DPH6: variants seen among roughly 807,000 people sequenced by gnomAD.
DPH6 encodes the protein diphthamine biosynthesis 6, also known as diphthine--ammonia ligase.
Under a neutral mutation model 38.2 loss-of-function variants are expected in DPH6, and 33 were observed. The observed-to-expected ratio is 0.86, with a 90% CI of 0.65 to 1.15. The LOEUF (loss-of-function observed/expected upper bound fraction) is 1.15, where lower values mean the gene tolerates loss of function less well. DPH6 is among the 50% of genes most tolerant of loss of function. The probability of loss-of-function intolerance (pLI) is 0.00; values close to 1 mark genes in which losing one functional copy is unlikely to be tolerated. For synonymous variants in DPH6, 108 were observed against 103.0 expected (o/e 1.05, Z -0.30); for missense variants, 325 against 320.0 (o/e 1.02, Z -0.12).
At chr15:35,478,366 TACACACACAC>T (rs66521447) in intron 3 of DPH6, among the ~76,000 whole-genome samples, 49 of 142,148 alleles carry the variant, frequency 3.4e-4, no homozygotes, top group Admixed American at 1.2e-3. Context: ...TACCCACACA[TACACACACAC>T]ACACACACAC....
intron 3 of DPH6, among the ~76,000 whole-genome samples, chr15:35,255,069 G>A (rs1331714087): frequency 6.6e-6 from 1 of 152,196 alleles, no homozygotes; most frequent in Admixed American, 6.5e-5. Flanking sequence ...GCAAGCCACA[G>A]GGGATGCGAT....
intron 3 of DPH6, chr15:35,298,823 G>A (rs144279008): frequency 9.3e-7 from 1 of 1,077,120 alleles, no homozygotes; most frequent in Admixed American, 1.7e-5. Context: ...TACACTGGGG[G>A]AGGAATGGCA....
intron 3 of DPH6, among the ~76,000 whole-genome samples, chr15:35,294,211 C>G (rs2051999491): frequency 6.6e-6 from 1 of 152,166 alleles, no homozygotes; most frequent in Non-Finnish European, 1.5e-5. Flanking sequence ...AAATGCCCCT[C>G]TTGTTTCCTG....
At chr15:35,513,170 A>G (rs1448294961) in intron 3 of DPH6, among the ~76,000 whole-genome samples, 1 of 152,158 alleles carries the variant, frequency 6.6e-6, no homozygotes, top group Non-Finnish European at 1.5e-5. Flanking sequence ...ATGTGCATGT[A>G]TAAAAATACA....
chr15:35,388,715 A>G (rs2053008104), intron 6 of DPH6, among the ~76,000 whole-genome samples: 1 of 151,954 alleles, frequency 6.6e-6, no homozygotes, highest in African/African-American at 2.4e-5. Context: ...TATTGCATCT[A>G]TTTGATTCTT....
rs2051566231 is a variant in DPH6, at chr15:35,237,840, A to T, written n.201-17258T>A. On this transcript the variant is annotated intron_variant and non_coding_transcript_variant, in intron 3 of 3. Transcript: ENST00000560386. The stretch of plus-strand genomic sequence containing the variant: ...GTGGAGGGCCTGGAGGAGGAGGAGG[A>T]GGATGAGGATGAGGAGGAGTATGAC... 3.3e-6 allele frequency: 5 copies of T among 1,532,766 alleles called. No homozygotes were observed. The Admixed American group carries it at 8.4e-5, about 26-fold the overall frequency. 94.9% of individuals were successfully genotyped at this position (1,532,766 alleles called of 1,614,324 possible). A position where few individuals can be genotyped will look rare whatever the true frequency, so the allele number is the denominator to read the frequency against.
intron 3 of DPH6, among the ~76,000 whole-genome samples, chr15:35,312,936 T>G (rs992203742): frequency 1.3e-5 from 2 of 152,166 alleles, no homozygotes; most frequent in African/African-American, 4.8e-5. Flanking sequence ...CGTAGTAAAT[T>G]TTGAAGTCAG....
intron 3 of DPH6, among the ~76,000 whole-genome samples, chr15:35,482,249 A>G (rs1036861924): frequency 3.3e-5 from 5 of 152,348 alleles, no homozygotes; most frequent in Admixed American, 6.5e-5. Flanking sequence ...GTGAAGCGAT[A>G]TATGTTCAGA....
chr15:35,237,238 C>A, intron 3 of DPH6: 2 of 1,154,816 alleles, frequency 1.7e-6, no homozygotes, highest in South Asian at 1.2e-5. Flanking sequence ...CTGAGCGGAG[C>A]TGGTTGAGCC....
intron 6 of DPH6, among the ~76,000 whole-genome samples, chr15:35,382,518 T>C (rs1190435761): frequency 6.6e-6 from 1 of 152,110 alleles, no homozygotes; most frequent in Non-Finnish European, 1.5e-5. Context: ...TAGCCTCAGA[T>C]TCAAAGCTAG....
intron 6 of DPH6, among the ~76,000 whole-genome samples, chr15:35,383,943 A>T (rs1476110574): frequency 2.0e-5 from 3 of 152,238 alleles, no homozygotes; most frequent in Non-Finnish European, 4.4e-5. Flanking sequence ...TGTAGCACAA[A>T]AGCATGACGT....
At chr15:35,504,336 A>C (rs2054666690) in intron 3 of DPH6, among the ~76,000 whole-genome samples, 1 of 151,982 alleles carries the variant, frequency 6.6e-6, no homozygotes, top group Non-Finnish European at 1.5e-5. Flanking sequence ...TTGTCCCATC[A>C]ATATATTCCA....
chr15:35,230,504 T>C (rs1297024203), intron 3 of DPH6, among the ~76,000 whole-genome samples: 3 of 152,158 alleles, frequency 2.0e-5, no homozygotes, highest in Non-Finnish European at 4.4e-5. Context: ...AAGAGTCTGC[T>C]TGATGCTCTA....
chr15:35,429,984 C>G (rs889694925), intron 5 of DPH6, among the ~76,000 whole-genome samples: 1 of 151,852 alleles, frequency 6.6e-6, no homozygotes, highest in African/African-American at 2.4e-5. Flanking sequence ...GGGAAAAGAA[C>G]AAGAAAAAAA....
intron 6 of DPH6, among the ~76,000 whole-genome samples, chr15:35,405,539 T>A (rs2053280390): frequency 6.6e-6 from 1 of 152,144 alleles, no homozygotes; most frequent in African/African-American, 2.4e-5. Context: ...TATTGATTTT[T>A]GTTTGTTGAT....
chr15:35,487,842 TC>T (rs1417913295), intron 3 of DPH6, among the ~76,000 whole-genome samples: 10 of 152,312 alleles, frequency 6.6e-5, no homozygotes, highest in Admixed American at 5.2e-4. Flanking sequence ...ACACTCCGCT[TC>T]CCTTTTAAAC....
intron 3 of DPH6, among the ~76,000 whole-genome samples, chr15:35,499,965 C>T (rs1284015294): frequency 1.3e-5 from 2 of 152,176 alleles, no homozygotes; most frequent in Admixed American, 6.5e-5. Flanking sequence ...GGTGTCGACA[C>T]AGACTGTGTT....
At chr15:35,367,378 A>T (rs1055988947), downstream of DPH6, among the ~76,000 whole-genome samples, 4 of 151,910 alleles carry the variant, frequency 2.6e-5, no homozygotes, top group African/African-American at 9.7e-5. Context: ...AAACAACCTC[A>T]TAAGGAAGAA....
intron 3 of DPH6, among the ~76,000 whole-genome samples, chr15:35,337,768 C>T (rs62002860): frequency 0.084 from 12,813 of 152,090 alleles, 607 homozygotes; most frequent in Middle Eastern, 0.17. Flanking sequence ...ATCACACTAC[C>T]TGACTTCAAA....
Sources: allele counts gnomAD v4.1 joint callset (sites outside exome capture counted in the v4.1 genomes callset), GRCh38; gene constraint gnomAD v4.1.1; transcripts MANE v1.5; gene names NCBI Gene and HGNC (gene_info 2026-07-23, HGNC 2026-07-21).